The following CHCHD6 variants were observed in gnomAD, a reference collection of about 807,000 sequenced individuals.
CHCHD6 encodes the protein MICOS complex subunit MIC25.
In CHCHD6, 28 loss-of-function variants were observed where a neutral mutation model predicts 32.3. The observed-to-expected ratio is 0.87, with a 90% CI of 0.64 to 1.19. CHCHD6 has a LOEUF of 1.19. CHCHD6 is among the 50% of genes most tolerant of loss of function. The pLI, the probability that CHCHD6 is intolerant of heterozygous loss-of-function variation, is 0.00. For synonymous variants in CHCHD6, 122 were observed against 117.5 expected (o/e 1.04, Z -0.25); for missense variants, 333 against 307.0 (o/e 1.08, Z -0.63).
At chr3:126,761,888 G>A (rs945966778) in intron 4 of CHCHD6, among the ~76,000 whole-genome samples, 1 of 152,120 alleles carries the variant, frequency 6.6e-6, no homozygotes, top group African/African-American at 2.4e-5. Flanking sequence ...TAATTTGTGT[G>A]TTTCTAAGAA....
chr3:126,830,508 A>G (rs943678793), intron 4 of CHCHD6, among the ~76,000 whole-genome samples: 4 of 152,224 alleles, frequency 2.6e-5, no homozygotes, highest in South Asian at 2.1e-4. Context: ...CAGCACGATC[A>G]CAACAGAACT....
chr3:126,841,129 G>A (rs1261817950), intron 4 of CHCHD6, among the ~76,000 whole-genome samples: 1 of 151,502 alleles, frequency 6.6e-6, no homozygotes, highest in African/African-American at 2.4e-5. Flanking sequence ...CCACCTATGA[G>A]TGAGAATATG....
chr3:126,858,378 A>C (rs1941736577), intron 5 of CHCHD6, among the ~76,000 whole-genome samples: 2 of 151,996 alleles, frequency 1.3e-5, no homozygotes, highest in South Asian at 2.1e-4. Flanking sequence ...AGTTGCTGAG[A>C]GTTCATCTGG....
intron 4 of CHCHD6, among the ~76,000 whole-genome samples, chr3:126,757,705 T>C (rs1937013371): frequency 6.6e-6 from 1 of 152,104 alleles, no homozygotes; most frequent in African/African-American, 2.4e-5. Context: ...TCTGGACAAG[T>C]AGGCCACAGA....
intron 6 of CHCHD6, among the ~76,000 whole-genome samples, chr3:126,924,360 C>T (rs1280292143): frequency 6.6e-6 from 1 of 152,218 alleles, no homozygotes; most frequent in Non-Finnish European, 1.5e-5. Flanking sequence ...AAAGGGTCAA[C>T]AGGGACTATA....
chr3:126,867,147 C>A (rs1302072713), intron 5 of CHCHD6, among the ~76,000 whole-genome samples: 1 of 152,172 alleles, frequency 6.6e-6, no homozygotes, highest in Non-Finnish European at 1.5e-5. Flanking sequence ...AAGTAAAGGT[C>A]AATGCTGCAG....
At chr3:126,760,026 A>C (rs1937104564) in intron 4 of CHCHD6, among the ~76,000 whole-genome samples, 1 of 152,140 alleles carries the variant, frequency 6.6e-6, no homozygotes, top group African/African-American at 2.4e-5. Flanking sequence ...CATACTTAAA[A>C]CAACTAGATC....
intron 4 of CHCHD6, among the ~76,000 whole-genome samples, chr3:126,749,884 C>T (rs1216925454): frequency 6.6e-6 from 1 of 152,210 alleles, no homozygotes; most frequent in African/African-American, 2.4e-5. Context: ...CCAGCCAAAG[C>T]TCCATACCAA....
At chr3:126,794,574 G>A (rs16837735) in intron 4 of CHCHD6, among the ~76,000 whole-genome samples, 8,092 of 151,842 alleles carry the variant, frequency 0.053, 328 homozygotes, top group South Asian at 0.19. Flanking sequence ...AATCCTTTCA[G>A]AAAAAGTTTG....
At chr3:126,903,801 G>T (rs1369524996) in intron 5 of CHCHD6, among the ~76,000 whole-genome samples, 1 of 152,080 alleles carries the variant, frequency 6.6e-6, no homozygotes, top group Non-Finnish European at 1.5e-5. Context: ...CTCCTTGTCT[G>T]CCCTCACATG....
At chr3:126,718,156 C>T (rs1935110741) in intron 1 of CHCHD6, among the ~76,000 whole-genome samples, 1 of 152,176 alleles carries the variant, frequency 6.6e-6, no homozygotes, top group Non-Finnish European at 1.5e-5. Context: ...TGAGAAAAGA[C>T]TTGCTCAAGG....
intron 1 of CHCHD6, among the ~76,000 whole-genome samples, chr3:126,720,870 A>G (rs2107654224): frequency 6.6e-6 from 1 of 152,246 alleles, no homozygotes; most frequent in Admixed American, 6.5e-5. Context: ...TCATTCTCCC[A>G]TACACTGACT....
intron 5 of CHCHD6, among the ~76,000 whole-genome samples, chr3:126,902,243 C>T (rs1576578780): frequency 6.6e-6 from 1 of 152,160 alleles, no homozygotes; most frequent in Non-Finnish European, 1.5e-5. Flanking sequence ...TCAGGCAAAA[C>T]GTGTAACAGT....
At chr3:126,879,072 T>C (rs2077575086) in intron 5 of CHCHD6, among the ~76,000 whole-genome samples, 1 of 152,218 alleles carries the variant, frequency 6.6e-6, no homozygotes, top group African/African-American at 2.4e-5. Context: ...TGGTGTGGCC[T>C]CTCTAGGCTT....
At chr3:126,788,998 T>A (rs541978150) in intron 4 of CHCHD6, among the ~76,000 whole-genome samples, 6 of 152,204 alleles carry the variant, frequency 3.9e-5, no homozygotes, top group Non-Finnish European at 8.8e-5. Context: ...TTTAAATGTG[T>A]CCCAGAGATT....
intron 4 of CHCHD6, among the ~76,000 whole-genome samples, chr3:126,750,532 ATAAGGAC>A: frequency 6.6e-6 from 1 of 152,220 alleles, no homozygotes; most frequent in East Asian, 1.9e-4. Context: ...TTGCTTCAGG[ATAAGGAC>A]TGAGATGGAG....
chr3:126,891,477 G>C (rs1248209735), intron 5 of CHCHD6, among the ~76,000 whole-genome samples: 1 of 152,122 alleles, frequency 6.6e-6, no homozygotes, highest in African/African-American at 2.4e-5. Flanking sequence ...GGGGCAAGAG[G>C]GCCCTATTAG....
At chr3:126,815,643 G>GGCC (rs1491515525) in intron 4 of CHCHD6, among the ~76,000 whole-genome samples, 18 of 127,628 alleles carry the variant, frequency 1.4e-4, no homozygotes, top group African/African-American at 5.0e-4. Flanking sequence ...GTGGGTTCTT[G>GGCC]CCCCCCCCCC....
chr3:126,749,092 C>T (rs192429005), intron 4 of CHCHD6, among the ~76,000 whole-genome samples: 167 of 152,080 alleles, frequency 1.1e-3, no homozygotes, highest in Non-Finnish European at 1.9e-3. Flanking sequence ...GAGTGTGCCC[C>T]GGCCTGGGTG....
Sources: allele counts gnomAD v4.1 joint callset (sites outside exome capture counted in the v4.1 genomes callset), GRCh38; gene constraint gnomAD v4.1.1; transcripts MANE v1.5; gene names NCBI Gene and HGNC (gene_info 2026-07-23, HGNC 2026-07-21).